The following ATL3 variants were observed in gnomAD, a reference collection of about 807,000 sequenced individuals.
The protein encoded by ATL3 is atlastin GTPase 3, also known as atlastin-3.
ATL3 carries 49 observed loss-of-function variants against 69.5 expected under a neutral mutation model. The ratio of observed to expected loss-of-function variants is 0.71; its 90% CI spans 0.56 to 0.89. The LOEUF (loss-of-function observed/expected upper bound fraction) is 0.89, where lower values mean the gene tolerates loss of function less well. Among genes scored for constraint, ATL3 ranks in the 40% least tolerant of loss-of-function variants. The pLI is 0.00. For synonymous variants in ATL3, 214 were observed against 224.1 expected, an observed-to-expected ratio of 0.95 and a Z score of 0.40; for missense variants, 606 against 645.7, an observed-to-expected ratio of 0.94 and a Z score of 0.67.
At chr11:63,645,684 A>G (rs1403058508) in intron 6 of ATL3, among the ~76,000 whole-genome samples, 1 of 152,060 alleles carries the variant, frequency 6.6e-6, no homozygotes, top group African/African-American at 2.4e-5. Context: ...TTGACCTCCT[A>G]GGCTTAAGTG....
rs1336851249 is a variant in ATL3 at position 63,627,257 on chromosome 11, GA to G, written c.*2061del. On this transcript the variant is annotated 3_prime_UTR_variant, in exon 13 of 13. Transcript: ENST00000398868. ...CTTTCAGAGAGATAAGAGGTCACCT[GA>G]AAATGCACCAACATTTCAGAAGCAA... is the stretch of plus-strand genomic sequence containing the variant. 1 of 152,162 alleles carries G rather than the reference GA, an allele frequency of 6.6e-6. No individual in the cohort carries two copies. The highest frequency in any genetic ancestry group is 2.4e-5 in the African/African-American group (1 of 41,444). 9.4% of individuals were successfully genotyped at this position (152,162 alleles called of 1,614,324 possible).
upstream of ATL3, chr11:63,671,665 C>G (rs944199695): frequency 2.9e-6 from 4 of 1,378,176 alleles, no homozygotes; most frequent in Middle Eastern, 1.9e-4. Context: ...TGCTACCGTC[C>G]TTTGGGAATT....
At chr11:63,663,807 G>C (rs1014036820) in intron 1 of ATL3, among the ~76,000 whole-genome samples, 10 of 152,166 alleles carry the variant, frequency 6.6e-5, no homozygotes, top group African/African-American at 2.2e-4. Context: ...CTATATAATA[G>C]ATTTTTAGCT....
intron 5 of ATL3, among the ~76,000 whole-genome samples, chr11:63,648,106 T>A (rs1228491397): frequency 6.6e-6 from 1 of 152,140 alleles, no homozygotes; most frequent in African/African-American, 2.4e-5. Context: ...AGATGGGAAG[T>A]GTACTATCTG....
intron 1 of ATL3, 49 bp from the exon 2 acceptor site, chr11:63,659,301 T>G (rs993378270): frequency 1.9e-6 from 3 of 1,539,966 alleles, no homozygotes; most frequent in Non-Finnish European, 2.7e-6. Flanking sequence ...TTAAAATATG[T>G]TTTTGAATAT....
At chr11:63,666,235 C>T (rs1466908669) in intron 1 of ATL3, among the ~76,000 whole-genome samples, 5 of 152,146 alleles carry the variant, frequency 3.3e-5, no homozygotes, top group Non-Finnish European at 7.3e-5. Context: ...GGTGGCGTTT[C>T]ACCACCTTGG....
In ATL3 at chr11:63,633,177, C is replaced by T. The variant is rs1032306499; in HGVS notation, c.1036-80G>A. 2.7e-5 allele frequency: 31 copies of T among 1,147,866 alleles called. No individual in the cohort carries two copies. The Middle Eastern group carries it at 5.9e-4, about 22-fold the overall frequency. 71.1% of individuals were successfully genotyped at this position (1,147,866 alleles called of 1,614,324 possible). A position where few individuals can be genotyped will look rare whatever the true frequency, so the allele number is the denominator to read the frequency against. On this transcript the variant is annotated intron_variant, in intron 10 of 12. Transcript: ENST00000398868. ...ACAAATAACCTAACAAAAATCTTCT[C>T]TATTCCCCATTCTTCCTTTTTTATT...
intron 6 of ATL3, among the ~76,000 whole-genome samples, chr11:63,645,554 G>GAC (rs1555054063): frequency 8.0e-5 from 12 of 150,314 alleles, no homozygotes; most frequent in African/African-American, 2.7e-4. Context: ...GAGAGAGAGA[G>GAC]AGAGAGAGAC....
chr11:63,661,831 G>C (rs922177334), intron 1 of ATL3, among the ~76,000 whole-genome samples: 1 of 151,724 alleles, frequency 6.6e-6, no homozygotes, highest in African/African-American at 2.4e-5. Flanking sequence ...GGAGGTTGTG[G>C]TGAGCTGAGA....
chr11:63,646,578 C>G lies in ATL3; in HGVS notation c.562-15G>C, dbSNP rs1008552677. The G allele has an allele frequency of 3.2e-6, 5 of 1,586,270 alleles. No homozygotes were observed. The highest frequency in any genetic ancestry group is 4.3e-6 in the Non-Finnish European group (5 of 1,167,958). On this transcript the variant is annotated splice_polypyrimidine_tract_variant and intron_variant, in intron 5 of 12. Coordinates refer to ENST00000398868, the MANE Select transcript of ATL3 (RefSeq NM_015459.5). ...TCTGTGAAGAGCTTTAAAAAAGAAG[C>G]ATTATGGTTTGTAAAGCAAAATTAC...
At chr11:63,643,789 T>C (rs1414873672) in intron 7 of ATL3, among the ~76,000 whole-genome samples, 1 of 152,186 alleles carries the variant, frequency 6.6e-6, no homozygotes, top group Admixed American at 6.5e-5. Flanking sequence ...AGACAAAGGA[T>C]TCCTGTGTTT....
chr11:63,668,376 T>G (rs1212035451), intron 1 of ATL3, among the ~76,000 whole-genome samples: 1 of 152,174 alleles, frequency 6.6e-6, no homozygotes. Context: ...GGGTGGGTGC[T>G]TTTATATACC....
At chr11:63,644,114 G>T in intron 7 of ATL3, 55 bp downstream of exon 7, 1 of 1,208,744 alleles carries the variant, frequency 8.3e-7, no homozygotes, top group South Asian at 1.3e-5. Flanking sequence ...AAAAGCAAAT[G>T]AGAAAGCTAT....
intron 2 of ATL3, 36 bp from the exon 3 acceptor site, chr11:63,658,940 T>G: frequency 5.7e-6 from 9 of 1,582,290 alleles, no homozygotes; most frequent in Non-Finnish European, 6.9e-6. Flanking sequence ...AATCTTAAAT[T>G]AAAAATTTTA....
At position 63,644,260 on chromosome 11, in the gene ATL3, G is replaced by C; in HGVS notation, c.620C>G (p.Thr207Arg). 6.3e-7 allele frequency: 1 copy of C among 1,581,082 alleles called. No homozygotes were observed. ...MDEIFQKPFQ[T>R]LMFLVRDWSF... ...CCAATCTCTAACCAAAAACATCAGTGTCTATTTAAGAAAAGAGCGGAACAT... is the reference window on the plus strand; with the variant it reads ...CCAATCTCTAACCAAAAACATCAGTCTCTATTTAAGAAAAGAGCGGAACAT... Residue 207 changes from threonine to arginine, a missense_variant and splice_region_variant, in exon 7 of 13, where the codon ACA (threonine) becomes AGA (arginine). Transcript: ENST00000398868.
chr11:63,631,142 T>G lies in ATL3; in HGVS notation c.1437A>C (p.Leu479=), dbSNP rs374700151. Residue 479 remains leucine (L), a synonymous_variant, in exon 12 of 13, where the codon CTA becomes CTC. Coordinates refer to ENST00000398868, the MANE Select transcript of ATL3 (RefSeq NM_015459.5). The part of the protein sequence containing the change: ...VAQLFNCMVG[L]LLIALLTWGY... ...CCCAGGTGAGGAGTGCTATTAACAG[T>G]AGTCCAACCATACAGTTGAACAACT... 1.2e-6 allele frequency: 2 copies of G among 1,614,062 alleles called. No individual in the cohort carries two copies. The highest frequency in any genetic ancestry group is 2.7e-5 in the African/African-American group (2 of 74,914).
chr11:63,636,093 A>C, intron 9 of ATL3, 114 bp downstream of exon 9: 1 of 1,379,244 alleles, frequency 7.3e-7, no homozygotes, highest in South Asian at 1.4e-5. Flanking sequence ...AATGCCTCTC[A>C]CCATCTCCCC....
Position 63,629,288 on chromosome 11 carries a change from T to A in ATL3, c.*31A>T, listed in dbSNP as rs759089879. Reference sequence around the variant, plus strand: ...AACCCAGAAATCAGTAGGGGCTTGTTGTGTTCTTGTTTGATCTTCACGTTA... The same window carrying A: ...AACCCAGAAATCAGTAGGGGCTTGTAGTGTTCTTGTTTGATCTTCACGTTA... On this transcript the variant is annotated 3_prime_UTR_variant, in exon 13 of 13. Coordinates refer to ENST00000398868, the MANE Select transcript of ATL3 (RefSeq NM_015459.5). The A allele has an allele frequency of 2.5e-6, 4 of 1,577,688 alleles. No homozygotes were observed. The highest frequency in any genetic ancestry group is 1.7e-6 in the Non-Finnish European group (2 of 1,146,912).
intron 1 of ATL3, among the ~76,000 whole-genome samples, chr11:63,669,064 C>T (rs1337611452): frequency 6.7e-6 from 1 of 149,520 alleles, no homozygotes; most frequent in African/African-American, 2.5e-5. Flanking sequence ...AACTCCTGAC[C>T]TCAGGTGATC....
Sources: allele counts gnomAD v4.1 joint callset (sites outside exome capture counted in the v4.1 genomes callset), GRCh38; gene constraint gnomAD v4.1.1; transcripts MANE v1.5; gene names NCBI Gene and HGNC (gene_info 2026-07-23, HGNC 2026-07-21).